ARSF: variants seen among roughly 807,000 people sequenced by gnomAD.
The protein encoded by ARSF is arylsulfatase F.
In ARSF, 33 loss-of-function variants were observed where a neutral mutation model predicts 35.4. The observed-to-expected ratio is 0.93, with a 90% confidence interval of 0.71 to 1.25. The LOEUF is 1.25. Ranked by LOEUF, ARSF falls within the 50% of genes most tolerant of loss-of-function variation. The probability of loss-of-function intolerance (pLI) is 0.00; values close to 1 mark genes in which losing one functional copy is unlikely to be tolerated. For missense variants in ARSF, 501 were observed against 480.2 expected (o/e 1.04, Z -0.40); for synonymous variants, 222 against 193.1 (o/e 1.15, Z -1.24).
chrX:3,078,944 C>T (rs1274820930), intron 4 of ARSF, among the ~76,000 whole-genome samples: 1 of 110,881 alleles, frequency 9.0e-6, no homozygotes, highest in African/African-American at 3.3e-5. Context: ...TCCCCATTCC[C>T]CCTTCTCGCA....
intron 3 of ARSF, among the ~76,000 whole-genome samples, chrX:3,073,237 TTA>T (rs35132792): frequency 0.21 from 21,103 of 98,217 alleles, 2,592 homozygotes; most frequent in East Asian, 0.57. Flanking sequence ...AAATATATAT[TTA>T]TATATATAAT....
At chrX:3,076,448 T>G in intron 3 of ARSF, 100 bp from the exon 4 acceptor site, 1 of 983,236 alleles carries the variant, frequency 1.0e-6, no homozygotes, top group South Asian at 2.3e-5. Flanking sequence ...CCTGTGCCTT[T>G]CTGTTTGTCC....
chrX:3,102,766 G>A lies in ARSF; in HGVS notation c.1103-996G>A, dbSNP rs759784761. 2.9e-4 allele frequency among the ~76,000 whole-genome samples: 32 copies of A among 110,960 alleles called. No individual in the cohort carries two copies. The Middle Eastern group carries it at 0.014, about 48-fold the overall frequency. On this transcript the variant is annotated intron_variant, in intron 8 of 10. Coordinates refer to ENST00000381127, the MANE Select transcript of ARSF (RefSeq NM_001201539.2). ...ATCTCTACTAAAAATACAAAAATTA[G>A]CTGGGCATAGTGGCGGACACCTGTA...
At chrX:3,074,856 C>T (rs73439700) in intron 3 of ARSF, among the ~76,000 whole-genome samples, 8,194 of 110,865 alleles carry the variant, frequency 0.074, 425 homozygotes, top group African/African-American at 0.19. Context: ...CTGTTCTCGA[C>T]CCTCACCCCA....
At chrX:3,051,887 G>T (rs1157162784) in intron 1 of ARSF, among the ~76,000 whole-genome samples, 4 of 110,547 alleles carry the variant, frequency 3.6e-5, no homozygotes, top group Non-Finnish European at 7.6e-5. Context: ...CATCTACTTG[G>T]GGGGCTGAGG....
chrX:3,094,047 G>C (rs1432367975), intron 7 of ARSF, among the ~76,000 whole-genome samples: 2 of 112,040 alleles, frequency 1.8e-5, no homozygotes, highest in Non-Finnish European at 3.8e-5. Context: ...CAACCTAATA[G>C]TAGCCTTTCC....
At chrX:3,066,284 C>T (rs1410856243) in intron 1 of ARSF, among the ~76,000 whole-genome samples, 1 of 111,667 alleles carries the variant, frequency 9.0e-6, no homozygotes, top group African/African-American at 3.3e-5. Context: ...AATATAATAG[C>T]CATCCTTTTG....
At chrX:3,096,416 T>C (rs1341593065) in intron 7 of ARSF, among the ~76,000 whole-genome samples, 1 of 111,281 alleles carries the variant, frequency 9.0e-6, no homozygotes, top group East Asian at 2.8e-4. Context: ...TGTATACATG[T>C]ATTAGTTATT....
intron 1 of ARSF, among the ~76,000 whole-genome samples, chrX:3,050,210 C>T (rs1041966867): frequency 9.0e-6 from 1 of 111,622 alleles, no homozygotes; most frequent in African/African-American, 3.3e-5. Context: ...GAAGGGGCCC[C>T]ATGCCAGTTT....
In ARSF at chrX:3,086,396, A is replaced by C. The variant is rs527951818; in HGVS notation, c.830+1730A>C. 5.3e-5 allele frequency among the ~76,000 whole-genome samples: 6 copies of C among 112,458 alleles called. No homozygotes were observed. The South Asian group carries it at 2.2e-3, about 42-fold the overall frequency. On this transcript the variant is annotated intron_variant, in intron 6 of 10. Coordinates refer to ENST00000381127, the MANE Select transcript of ARSF (RefSeq NM_001201539.2). Reference sequence around the variant, plus strand: ...AATAACACAATATTGAATGGAAAAAACAATGGTGAAGAGGAAATATAAAGA... The same window carrying C: ...AATAACACAATATTGAATGGAAAAACCAATGGTGAAGAGGAAATATAAAGA...
intron 4 of ARSF, among the ~76,000 whole-genome samples, chrX:3,077,681 A>G (rs1188893092): frequency 4.5e-5 from 5 of 110,285 alleles, no homozygotes; most frequent in African/African-American, 1.6e-4. Flanking sequence ...CCACAAAGTC[A>G]TAAACCAAGA....
At chrX:3,060,107 A>G (rs775962911) in intron 1 of ARSF, among the ~76,000 whole-genome samples, 4 of 112,018 alleles carry the variant, frequency 3.6e-5, no homozygotes, top group African/African-American at 1.3e-4. Context: ...ATCAGGCAGC[A>G]ATATTTGCTG....
chrX:3,049,205 C>T (rs2089986974), intron 1 of ARSF, among the ~76,000 whole-genome samples: 1 of 112,274 alleles, frequency 8.9e-6, no homozygotes, highest in Admixed American at 9.5e-5. Context: ...ACATGTAAGA[C>T]GTACATTGTT....
In ARSF at chrX:3,103,843, G is replaced by A. The variant is rs369509309; in HGVS notation, c.1184G>A (p.Arg395Gln). 8.3e-7 allele frequency: 1 copy of A among 1,211,416 alleles called. No homozygotes were observed. The highest frequency in any genetic ancestry group is 3.0e-5 in the East Asian group (1 of 33,839). Residue 395 changes from arginine to glutamine, a missense_variant, in exon 9 of 11, where the codon CGG becomes CAG. Physicochemically the swap from Arg to Gln is conservative, Grantham distance 43. Transcript: ENST00000381127. ...VRWPGKVPAG[R>Q]LIKEPTSLMD... ...TGGCCTGGAAAGGTACCAGCTGGACGGTTGATTAAGGAACCTACAAGTTTA... is the reference window on the plus strand; with the variant it reads ...TGGCCTGGAAAGGTACCAGCTGGACAGTTGATTAAGGAACCTACAAGTTTA...
At chrX:3,069,901 GA>G (rs1437711541) in intron 2 of ARSF, among the ~76,000 whole-genome samples, 2 of 111,564 alleles carry the variant, frequency 1.8e-5, no homozygotes, top group Non-Finnish European at 3.8e-5. Flanking sequence ...TTTGTGATGA[GA>G]ACACTTTGAG....
chrX:3,068,765 G>GATA (rs201911605), intron 2 of ARSF, among the ~76,000 whole-genome samples: 3,189 of 111,542 alleles, frequency 0.029, 37 homozygotes, highest in Middle Eastern at 0.069. Flanking sequence ...AACAGGAGGT[G>GATA]AAAAAATTCA....
intron 9 of ARSF, among the ~76,000 whole-genome samples, chrX:3,105,307 G>T (rs2090404699): frequency 9.0e-6 from 1 of 111,589 alleles, no homozygotes; most frequent in Admixed American, 9.5e-5. Flanking sequence ...ATTTATGTTT[G>T]ATGCTAGCAG....
chrX:3,079,577 C>T (rs2090181749), intron 4 of ARSF, among the ~76,000 whole-genome samples: 1 of 109,185 alleles, frequency 9.2e-6, no homozygotes, highest in Non-Finnish European at 1.9e-5. Flanking sequence ...CTCCTGACTT[C>T]AGGTAATCCC....
rs766873808 is a variant in ARSF, at chrX:3,084,334, G to T, written c.498G>T (p.Pro166=). The T allele has an allele frequency of 8.3e-7, 1 of 1,211,454 alleles. No homozygotes were observed. Among genetic ancestry groups the T allele is most frequent in the Admixed American group, 2.2e-5 (1 of 45,925 alleles). ...GGTTTGACTACTACTATGGCATGCCGTTCACTCTCGTTGACAGCTGCTGGC... is the reference window on the plus strand; with the variant it reads ...GGTTTGACTACTACTATGGCATGCCTTTCACTCTCGTTGACAGCTGCTGGC... ...NYGFDYYYGM[P]FTLVDSCWPD... Residue 166 remains proline (P), a synonymous_variant, in exon 6 of 11, where the codon CCG becomes CCT. Coordinates refer to ENST00000381127, the MANE Select transcript of ARSF (RefSeq NM_001201539.2).
Sources: gnomAD v4.1 joint callset for allele counts (sites outside exome capture counted in the v4.1 genomes callset) on GRCh38, gnomAD v4.1.1 for gene constraint, MANE v1.5 for transcripts, NCBI Gene and HGNC (gene_info 2026-07-23, HGNC 2026-07-21) for gene names.